Variants in CLIP4 observed in about 807,000 individuals in gnomAD.
CLIP4 encodes CAP-Gly domain-containing linker protein 4.
A neutral mutation model predicts 73.1 loss-of-function variants in CLIP4; 47 were observed. That is an observed-to-expected ratio of 0.64 (90% CI 0.51 to 0.82). The LOEUF (loss-of-function observed/expected upper bound fraction) is 0.82, where lower values mean the gene tolerates loss of function less well. Ranked by LOEUF, CLIP4 falls within the 40% of genes least tolerant of loss-of-function variation. The probability of loss-of-function intolerance (pLI) is 0.00; values close to 1 mark genes in which losing one functional copy is unlikely to be tolerated. For synonymous variants in CLIP4, 306 were observed against 295.4 expected (o/e 1.04, Z -0.37); for missense variants, 874 against 852.9 (o/e 1.02, Z -0.31).
intron 2 of CLIP4, among the ~76,000 whole-genome samples, chr2:29,129,104 A>G (rs1172402722): frequency 2.0e-5 from 3 of 152,202 alleles, no homozygotes; most frequent in Non-Finnish European, 4.4e-5. Context: ...TTAAATAGCT[A>G]AGCATCATCT....
intron 15 of CLIP4, among the ~76,000 whole-genome samples, chr2:29,176,367 G>C (rs189327036): frequency 6.6e-6 from 1 of 152,204 alleles, no homozygotes; most frequent in African/African-American, 2.4e-5. Context: ...TTGCTTGTTC[G>C]TATGGAAATA....
chr2:29,157,523 G>T, intron 11 of CLIP4, 176 bp downstream of exon 11: 7 of 897,646 alleles, frequency 7.8e-6, no homozygotes, highest in Non-Finnish European at 1.2e-5. Context: ...TTGTTTTGCC[G>T]TCTCAGATAT....
intron 1 of CLIP4, among the ~76,000 whole-genome samples, chr2:29,100,486 A>G (rs1278476687): frequency 2.0e-5 from 3 of 152,102 alleles, no homozygotes; most frequent in Non-Finnish European, 4.4e-5. Flanking sequence ...TTGCAAATTT[A>G]AAATTTAAGT....
At chr2:29,150,443 A>G (rs1666477816) in intron 8 of CLIP4, among the ~76,000 whole-genome samples, 1 of 152,170 alleles carries the variant, frequency 6.6e-6, no homozygotes, top group Admixed American at 6.5e-5. Context: ...TTTCCCTGAC[A>G]TGAAGAAAAA....
rs146197855 is a variant in CLIP4 at position 29,143,753 on chromosome 2, A to C, written c.693A>C (p.Val231=). ...QIPADVVPDP[V]DMPLEMADAA... ...CTGCTGATGTTGTTCCAGACCCAGT[A>C]GATATGCCGTTAGAGATGGCTGACG... Residue 231 remains valine (V), a synonymous_variant, in exon 7 of 16, where the codon GTA becomes GTC. Coordinates refer to ENST00000320081, the MANE Select transcript of CLIP4 (RefSeq NM_024692.6). The C allele has an allele frequency of 6.2e-7, 1 of 1,614,032 alleles. No homozygotes were observed. The highest frequency in any genetic ancestry group is 1.3e-5 in the African/African-American group (1 of 75,060).
At position 29,131,545 on chromosome 2, in the gene CLIP4, A is replaced by T. The variant is rs537800795; in HGVS notation, c.273+148A>T. ...TGTATTTCCAGGATTTTCATGGGGC[A>T]GTGAGTTAATACTATATATTCTTCT... On this transcript the variant is annotated intron_variant, in intron 3 of 15. Coordinates refer to ENST00000320081, the MANE Select transcript of CLIP4 (RefSeq NM_024692.6). 5.4e-5 allele frequency: 42 copies of T among 784,202 alleles called. No individual in the cohort carries two copies. The African/African-American group carries it at 7.2e-4, about 13-fold the overall frequency. The allele number at this position is 784,202 out of a possible 1,614,324, so 48.6% of individuals were successfully genotyped here. A position where few individuals can be genotyped will look rare whatever the true frequency, so the allele number is the denominator to read the frequency against.
intron 1 of CLIP4, among the ~76,000 whole-genome samples, chr2:29,119,331 G>C (rs2166594): frequency 6.6e-6 from 1 of 152,112 alleles, no homozygotes; most frequent in Non-Finnish European, 1.5e-5. Context: ...GATAGAGTTC[G>C]TATCTTTGAG....
At chr2:29,127,841 T>A (rs1032101119) in intron 2 of CLIP4, among the ~76,000 whole-genome samples, 2 of 152,132 alleles carry the variant, frequency 1.3e-5, no homozygotes, top group Non-Finnish European at 2.9e-5. Context: ...ATTTAAAATG[T>A]CCATAGTTAC....
intron 1 of CLIP4, among the ~76,000 whole-genome samples, chr2:29,106,133 T>C (rs116349745): frequency 2.6e-3 from 400 of 152,264 alleles, no homozygotes; most frequent in African/African-American, 9.1e-3. Flanking sequence ...TTCTATTTAC[T>C]ATGTGATCTT....
upstream of CLIP4, chr2:29,115,366 G>A (rs552543707): frequency 6.6e-6 from 1 of 151,884 alleles, no homozygotes; most frequent in South Asian, 2.1e-4. This position sits in a 1 kb window ranked among gnomAD's most constrained non-coding sequence, Gnocchi z 5.1. Flanking sequence ...TGGGGAGTGC[G>A]GGGGCGCGGG....
chr2:29,110,411 C>G (rs908113851), intron 1 of CLIP4, among the ~76,000 whole-genome samples: 1 of 152,080 alleles, frequency 6.6e-6, no homozygotes, highest in Non-Finnish European at 1.5e-5. Context: ...TAAATGATAT[C>G]ATAAACTTTT....
At chr2:29,119,736 T>C (rs1339740101) in intron 1 of CLIP4, among the ~76,000 whole-genome samples, 1 of 152,142 alleles carries the variant, frequency 6.6e-6, no homozygotes, top group Non-Finnish European at 1.5e-5. Context: ...TACTGTTCTT[T>C]TAATGGGATC....
Position 29,152,685 on chromosome 2 carries a change from G to T in CLIP4, c.1022G>T (p.Gly341Val). 6.2e-7 allele frequency: 1 copy of T among 1,612,064 alleles called. No individual in the cohort carries two copies. The highest frequency in any genetic ancestry group is 1.1e-5 in the South Asian group (1 of 90,562). Reference protein sequence around the residue: ...VQYFKCAPKYGIFAPLSKISK... With the variant: ...VQYFKCAPKYVIFAPLSKISK... ...ACTAAAATTCTGCATTCTCCCTTAG[G>T]TATTTTTGCACCTCTTTCAAAGATA... Residue 341 changes from glycine (G) to valine (V), a missense_variant and splice_region_variant, in exon 9 of 16, where the codon GGT becomes GTT. Transcript: ENST00000320081.
intron 1 of CLIP4, among the ~76,000 whole-genome samples, chr2:29,108,545 T>C (rs1374882445): frequency 6.6e-6 from 1 of 152,252 alleles, no homozygotes; most frequent in African/African-American, 2.4e-5. Context: ...CTGTGGTGGA[T>C]GGCAGCTAAC....
chr2:29,140,818 C>T (rs1179680450), intron 6 of CLIP4, among the ~76,000 whole-genome samples: 3 of 152,170 alleles, frequency 2.0e-5, no homozygotes, highest in African/African-American at 7.2e-5. Flanking sequence ...ATTTGCATTT[C>T]TCTGATAGCC....
intron 2 of CLIP4, among the ~76,000 whole-genome samples, chr2:29,122,240 C>CT (rs11359647): frequency 0.018 from 2,400 of 135,256 alleles, 41 homozygotes; most frequent in East Asian, 0.051. Flanking sequence ...CTCCAAGTTT[C>CT]TTTTTTTTTT....
chr2:29,120,273 G>GC (rs1276088531), intron 1 of CLIP4, among the ~76,000 whole-genome samples: 1 of 152,106 alleles, frequency 6.6e-6, no homozygotes, highest in East Asian at 1.9e-4. Flanking sequence ...GAAAAAGAAA[G>GC]CCTCCTACTT....
chr2:29,164,986 C>G (rs1177102259), intron 13 of CLIP4, among the ~76,000 whole-genome samples: 4 of 152,192 alleles, frequency 2.6e-5, no homozygotes, highest in African/African-American at 9.7e-5. Flanking sequence ...AGAATAATAA[C>G]TATTACAAAC....
intron 1 of CLIP4, among the ~76,000 whole-genome samples, chr2:29,107,463 C>T (rs1315301360): frequency 6.8e-6 from 1 of 147,046 alleles, no homozygotes; most frequent in Non-Finnish European, 1.5e-5. Context: ...GCTCCGCCTC[C>T]CGGGTTCATG....
Sources: allele counts gnomAD v4.1 joint callset (sites outside exome capture counted in the v4.1 genomes callset), GRCh38; gene constraint gnomAD v4.1.1; non-coding constraint Gnocchi (gnomAD v3.1); transcripts MANE v1.5; gene names NCBI Gene and HGNC (gene_info 2026-07-23, HGNC 2026-07-21).